The following NECTIN1 variants were observed in gnomAD, a reference collection of about 807,000 sequenced individuals.
The protein encoded by NECTIN1 is nectin cell adhesion molecule 1.
Under a neutral mutation model 48.0 loss-of-function variants are expected in NECTIN1, and 23 were observed. The ratio of observed to expected loss-of-function variants is 0.48; its 90% CI spans 0.34 to 0.68. The LOEUF is 0.68. Among genes scored for constraint, NECTIN1 ranks in the 30% least tolerant of loss-of-function variants. NECTIN1 has a pLI of 0.01. For missense variants in NECTIN1, 591 were observed against 709.9 expected, an observed-to-expected ratio of 0.83 and a Z score of 1.90; for synonymous variants, 270 against 288.9, an observed-to-expected ratio of 0.93 and a Z score of 0.66.
Position 119,638,289 on chromosome 11 carries a change from C to A in NECTIN1, c.1228-42G>T, listed in dbSNP as rs747389568. 20 of 1,611,832 alleles carry A rather than the reference C, an allele frequency of 1.2e-5. No homozygotes were observed. The Admixed American group carries it at 3.3e-4, about 27-fold the overall frequency. ...TGAGTGCTGCACAGACCTTTCCATG[C>A]CCCTGCTCCAGGTGGCCCTCATGGA... On this transcript the variant is annotated intron_variant, in intron 7 of 7. Transcript: ENST00000341398.
rs1196983501 is a variant in NECTIN1, at chr11:119,661,403, G to A, written c.*3344C>T. 1.0e-6 allele frequency: 1 copy of A among 986,020 alleles called. No homozygotes were observed. The highest frequency in any genetic ancestry group is 1.2e-6 in the Non-Finnish European group (1 of 830,170). 61.1% of individuals were successfully genotyped at this position (986,020 alleles called of 1,614,324 possible). A position where few individuals can be genotyped will look rare whatever the true frequency, so the allele number is the denominator to read the frequency against. On this transcript the variant is annotated 3_prime_UTR_variant, in exon 6 of 6. Transcript: ENST00000264025. The stretch of plus-strand genomic sequence containing the variant: ...CCTGCCTCCTGGCATCCCCGGTACT[G>A]GGCAGTGTGTGAAGCCTCCCTGTGG...
chr11:119,702,547 C>T (rs538700915), intron 1 of NECTIN1, among the ~76,000 whole-genome samples: 75 of 151,966 alleles, frequency 4.9e-4, no homozygotes, highest in Non-Finnish European at 9.4e-4. Flanking sequence ...CCACTTGCCC[C>T]CTTCTAGTCC....
chr11:119,645,847 C>G (rs1298102860), intron 5 of NECTIN1, among the ~76,000 whole-genome samples: 1 of 152,180 alleles, frequency 6.6e-6, no homozygotes, highest in Non-Finnish European at 1.5e-5. Flanking sequence ...TTCCTCTGAG[C>G]CAGGGTGGTG....
chr11:119,698,152 C>T (rs1437010185), intron 1 of NECTIN1, among the ~76,000 whole-genome samples: 1 of 152,270 alleles, frequency 6.6e-6, no homozygotes, highest in Non-Finnish European at 1.5e-5. Context: ...CCCAAGTGGA[C>T]TTGGACAAGA....
At chr11:119,660,737 T>C (rs906125646), downstream of NECTIN1, among the ~76,000 whole-genome samples, 15 of 152,148 alleles carry the variant, frequency 9.9e-5, no homozygotes, top group African/African-American at 3.4e-4. Flanking sequence ...GCCTCCCTCC[T>C]GTGTCTGTGG....
intron 1 of NECTIN1, among the ~76,000 whole-genome samples, chr11:119,701,948 C>G (rs1865462782): frequency 6.6e-6 from 1 of 152,206 alleles, no homozygotes; most frequent in Non-Finnish European, 1.5e-5. Flanking sequence ...TTATCTCCCT[C>G]TATGCCCGCC....
intron 5 of NECTIN1, among the ~76,000 whole-genome samples, chr11:119,654,576 C>CTTTTTTTTTTTTT (rs11351493): frequency 6.9e-4 from 101 of 146,112 alleles, no homozygotes; most frequent in African/African-American, 2.4e-3. Context: ...TCAGGAACAC[C>CTTTTTTTTTTTTT]TTTTTTTTTT....
chr11:119,728,562 G>C lies in NECTIN1; in HGVS notation c.-9C>G. 2 of 1,561,954 alleles carry C rather than the reference G, an allele frequency of 1.3e-6. No homozygotes were observed. Among genetic ancestry groups the C allele is most frequent in the Admixed American group, 1.8e-5 (1 of 55,402 alleles). On this transcript the variant is annotated 5_prime_UTR_variant, in exon 1 of 6. Transcript: ENST00000264025. ...AGCCCCATCCGAGCCATCGGGGGCC[G>C]GGGGTCCGGCGAGAGGGGCGGCGAG...
chr11:119,699,617 C>T (rs1443948553), intron 1 of NECTIN1, among the ~76,000 whole-genome samples: 1 of 152,254 alleles, frequency 6.6e-6, no homozygotes, highest in Non-Finnish European at 1.5e-5. Flanking sequence ...CCTGCTCCCT[C>T]ATCACACACA....
At chr11:119,679,140 G>A (rs769825722) in intron 1 of NECTIN1, among the ~76,000 whole-genome samples, 22 of 152,080 alleles carry the variant, frequency 1.4e-4, no homozygotes, top group Non-Finnish European at 2.8e-4. Flanking sequence ...GTAAACATAC[G>A]TCTGCACCCT....
At position 119,661,855 on chromosome 11, in the gene NECTIN1, C is replaced by T. The variant is rs1864671803; in HGVS notation, c.*2892G>A. 1 of 985,172 alleles carries T rather than the reference C, an allele frequency of 1.0e-6. No individual in the cohort carries two copies. Among genetic ancestry groups the T allele is most frequent in the African/African-American group, 1.8e-5 (1 of 57,140 alleles). The allele number at this position is 985,172 out of a possible 1,614,324, so 61.0% of individuals were successfully genotyped here. A position where few individuals can be genotyped will look rare whatever the true frequency, so the allele number is the denominator to read the frequency against. On this transcript the variant is annotated 3_prime_UTR_variant, in exon 6 of 6. Transcript: ENST00000264025. ...GCATGCGTGTGTACATGCGTGTACA[C>T]ATGCCTGCGCGTGGGTGTGTTGGAG...
At chr11:119,652,018 C>T (rs1299125279) in intron 5 of NECTIN1, among the ~76,000 whole-genome samples, 3 of 152,158 alleles carry the variant, frequency 2.0e-5, no homozygotes, top group Non-Finnish European at 4.4e-5. Context: ...GCCTCCTAGT[C>T]CAGGCCTCTC....
intron 1 of NECTIN1, among the ~76,000 whole-genome samples, chr11:119,694,449 C>T (rs1305920544): frequency 6.6e-6 from 1 of 152,190 alleles, no homozygotes; most frequent in East Asian, 1.9e-4. Context: ...ATAGCTCAAG[C>T]CAGGAGGCAG....
intron 1 of NECTIN1, among the ~76,000 whole-genome samples, chr11:119,697,129 C>T (rs925852395): frequency 6.6e-6 from 1 of 151,834 alleles, no homozygotes; most frequent in Non-Finnish European, 1.5e-5. Flanking sequence ...GCGGGGAGGT[C>T]GAGGTGAGGA....
intron 1 of NECTIN1, among the ~76,000 whole-genome samples, chr11:119,707,401 C>G (rs1052726139): frequency 4.6e-5 from 7 of 152,186 alleles, no homozygotes; most frequent in African/African-American, 1.7e-4. Flanking sequence ...AAGGTCACCT[C>G]CACCTTCTCT....
Position 119,661,039 on chromosome 11 carries a change from G to A in NECTIN1, c.*3708C>T, listed in dbSNP as rs1190955095. 12 of 980,966 alleles carry A rather than the reference G, an allele frequency of 1.2e-5. No individual in the cohort carries two copies. Among genetic ancestry groups the A allele is most frequent in the Non-Finnish European group, 1.5e-5 (12 of 825,700 alleles). 60.8% of individuals were successfully genotyped at this position (980,966 alleles called of 1,614,324 possible). ...TAAAAAAGTACATTTTTAATCCTCAGTACATTTTCAACCCATCATTTTTTT... is the reference window on the plus strand; with the variant it reads ...TAAAAAAGTACATTTTTAATCCTCAATACATTTTCAACCCATCATTTTTTT... On this transcript the variant is annotated 3_prime_UTR_variant, in exon 6 of 6. Coordinates refer to ENST00000264025, the MANE Select transcript of NECTIN1 (RefSeq NM_002855.5).
intron 5 of NECTIN1, among the ~76,000 whole-genome samples, chr11:119,669,537 CT>C (rs1272993519): frequency 6.6e-6 from 1 of 152,192 alleles, no homozygotes; most frequent in Non-Finnish European, 1.5e-5. Context: ...AACTGCTCCC[CT>C]GATTCCATCC....
chr11:119,671,736 C>T (rs1864864098), intron 5 of NECTIN1, among the ~76,000 whole-genome samples: 1 of 152,180 alleles, frequency 6.6e-6, no homozygotes, highest in East Asian at 1.9e-4. Flanking sequence ...CTGGGAAGCC[C>T]TTCTGTCCAT....
chr11:119,643,436 C>G (rs552669267), intron 5 of NECTIN1, among the ~76,000 whole-genome samples: 11 of 152,330 alleles, frequency 7.2e-5, no homozygotes, highest in Admixed American at 1.3e-4. Context: ...TCAGGATCGT[C>G]CAGATAGTCA....
Sources: allele counts gnomAD v4.1 joint callset (sites outside exome capture counted in the v4.1 genomes callset), GRCh38; gene constraint gnomAD v4.1.1; transcripts MANE v1.5; gene names NCBI Gene and HGNC (gene_info 2026-07-23, HGNC 2026-07-21).